SIRT5: variants seen among roughly 807,000 people sequenced by gnomAD.
SIRT5 encodes sirtuin 5.
Under a neutral mutation model 40.0 loss-of-function variants are expected in SIRT5, and 26 were observed. The ratio of observed to expected loss-of-function variants is 0.65; its 90% CI spans 0.48 to 0.90. The LOEUF (loss-of-function observed/expected upper bound fraction) is 0.90, where lower values mean the gene tolerates loss of function less well. SIRT5 is among the 40% of genes least tolerant of loss of function. The pLI is 0.00. For missense variants in SIRT5, 401 were observed against 402.4 expected, an observed-to-expected ratio of 1.00 and a Z score of 0.03; for synonymous variants, 146 against 149.1, an observed-to-expected ratio of 0.98 and a Z score of 0.15.
chr6:13,584,342 C>T, intron 3 of SIRT5, 117 bp downstream of exon 3: 1 of 752,522 alleles, frequency 1.3e-6, no homozygotes, highest in Non-Finnish European at 2.3e-6. Context: ...TGGAGAAAGC[C>T]ACTCTGTCAT....
intron 7 of SIRT5, 42 bp downstream of exon 7, chr6:13,597,058 CA>C: frequency 2.1e-6 from 3 of 1,405,644 alleles, no homozygotes; most frequent in East Asian, 2.4e-5. Flanking sequence ...TCCAGGTTAC[CA>C]AAACAAAAAA....
chr6:13,600,588 C>G (rs892822589), intron 8 of SIRT5, among the ~76,000 whole-genome samples: 3 of 152,150 alleles, frequency 2.0e-5, no homozygotes, highest in Non-Finnish European at 2.9e-5. Flanking sequence ...GATTGAGTCA[C>G]TTCTATGTCA....
chr6:13,605,005 G>A (rs199962126), intron 9 of SIRT5: 2 of 988,404 alleles, frequency 2.0e-6, no homozygotes. Context: ...CATCAAAGCT[G>A]ACATTTAGAA....
At chr6:13,606,027 T>A (rs570447474) in intron 9 of SIRT5, among the ~76,000 whole-genome samples, 9 of 152,208 alleles carry the variant, frequency 5.9e-5, no homozygotes, top group Non-Finnish European at 1.0e-4. Flanking sequence ...AAAACAAATA[T>A]CTACCAAGGA....
In SIRT5 at chr6:13,614,763, G is replaced by A. The variant is rs988333695; in HGVS notation, c.*2898G>A. The A allele has an allele frequency of 1.3e-5, 2 of 152,270 alleles. No homozygotes were observed. The highest frequency in any genetic ancestry group is 1.5e-5 in the Non-Finnish European group (1 of 68,064). 9.4% of individuals were successfully genotyped at this position (152,270 alleles called of 1,614,324 possible). A position where few individuals can be genotyped will look rare whatever the true frequency, so the allele number is the denominator to read the frequency against. On this transcript the variant is annotated 3_prime_UTR_variant, in exon 10 of 10. Transcript: ENST00000606117. ...GCGGCCGCGGAGCTGGGAAGGCCGAGGGCGCCGGGCACGTCTGTGCAGATT... is the reference window on the plus strand; with the variant it reads ...GCGGCCGCGGAGCTGGGAAGGCCGAAGGCGCCGGGCACGTCTGTGCAGATT...
At chr6:13,611,203 G>T (rs979160461) in intron 9 of SIRT5, among the ~76,000 whole-genome samples, 2 of 92,268 alleles carry the variant, frequency 2.2e-5, no homozygotes, top group Non-Finnish European at 4.4e-5. Context: ...TTATGTGTGT[G>T]TGTGTATATA....
intron 8 of SIRT5, among the ~76,000 whole-genome samples, chr6:13,599,470 T>A (rs1762078814): frequency 6.6e-6 from 1 of 152,236 alleles, no homozygotes; most frequent in Non-Finnish European, 1.5e-5. Flanking sequence ...AATACATGCT[T>A]ATGATTAAAT....
intron 1 of SIRT5, among the ~76,000 whole-genome samples, chr6:13,578,292 A>G (rs1189843750): frequency 1.3e-5 from 2 of 152,096 alleles, no homozygotes; most frequent in Non-Finnish European, 2.9e-5. Context: ...TGGCTTTGGT[A>G]TCAGGGTAAT....
intron 5 of SIRT5, among the ~76,000 whole-genome samples, chr6:13,594,103 C>G (rs984616005): frequency 3.3e-5 from 5 of 152,182 alleles, no homozygotes; most frequent in Admixed American, 3.3e-4. Context: ...AACTTGCTTT[C>G]CTTCCTGAAG....
intron 8 of SIRT5, among the ~76,000 whole-genome samples, chr6:13,599,656 A>G (rs1416955868): frequency 6.6e-6 from 1 of 152,222 alleles, no homozygotes; most frequent in African/African-American, 2.4e-5. Context: ...TTTTGGAAAT[A>G]AAGTTTTATT....
At chr6:13,592,332 G>A (rs562315648) in intron 5 of SIRT5, among the ~76,000 whole-genome samples, 5 of 152,182 alleles carry the variant, frequency 3.3e-5, no homozygotes, top group African/African-American at 4.8e-5. Context: ...GGAGGGGCAC[G>A]GTACTGTGAG....
At chr6:13,598,857 C>G (rs1761977660) in intron 7 of SIRT5, among the ~76,000 whole-genome samples, 175 bp from the exon 8 acceptor site, 1 of 148,196 alleles carries the variant, frequency 6.7e-6, no homozygotes, top group African/African-American at 2.5e-5. Context: ...GACCATTAAA[C>G]CTGATGCTTC....
chr6:13,611,306 A>G (rs1335766155), intron 9 of SIRT5, among the ~76,000 whole-genome samples: 2 of 149,854 alleles, frequency 1.3e-5, no homozygotes, highest in African/African-American at 2.4e-5. Flanking sequence ...TATTGTGTCT[A>G]TATATAACAT....
At chr6:13,594,488 C>T (rs1291223995) in intron 5 of SIRT5, among the ~76,000 whole-genome samples, 4 of 152,200 alleles carry the variant, frequency 2.6e-5, no homozygotes, top group Non-Finnish European at 4.4e-5. Flanking sequence ...TGTCTCCACG[C>T]GCCAAGGGAG....
chr6:13,592,199 A>G (rs1460134433), intron 5 of SIRT5, among the ~76,000 whole-genome samples: 1 of 152,082 alleles, frequency 6.6e-6, no homozygotes, highest in Non-Finnish European at 1.5e-5. Flanking sequence ...AAAAATGCAG[A>G]ATCTCAGGCC....
intron 4 of SIRT5, among the ~76,000 whole-genome samples, chr6:13,591,442 T>C (rs1384587820): frequency 6.6e-6 from 1 of 152,228 alleles, no homozygotes; most frequent in African/African-American, 2.4e-5. Flanking sequence ...CTAAGGAAAT[T>C]GACTGATTTC....
Position 13,612,588 on chromosome 6 carries a change from C to T in SIRT5, c.*723C>T, listed in dbSNP as rs1301311446. On this transcript the variant is annotated 3_prime_UTR_variant, in exon 10 of 10. Coordinates refer to ENST00000606117, the MANE Select transcript of SIRT5 (RefSeq NM_012241.5). ...CTCTCGACCTCAGGTGATCTGCCCG[C>T]CTCGGCCTCCCAAAGTGCTGAGATT... 1 of 152,250 alleles carries T rather than the reference C, an allele frequency of 6.6e-6. No homozygotes were observed. The highest frequency in any genetic ancestry group is 1.9e-4 in the East Asian group (1 of 5,196). 9.4% of individuals were successfully genotyped at this position (152,250 alleles called of 1,614,324 possible). A position where few individuals can be genotyped will look rare whatever the true frequency, so the allele number is the denominator to read the frequency against.
chr6:13,612,172 A>T lies in SIRT5; in HGVS notation c.*307A>T. 4.5e-6 allele frequency: 1 copy of T among 220,160 alleles called. No individual in the cohort carries two copies. The highest frequency in any genetic ancestry group is 2.3e-5 in the African/African-American group (1 of 44,308). The allele number at this position is 220,160 out of a possible 1,614,324, so 13.6% of individuals were successfully genotyped here. ...TTTGTAAATTAGATTGTCTAAAAAA[A>T]ATAGTTATTCTGATTATATTTTTGT... is the stretch of plus-strand genomic sequence containing the variant. On this transcript the variant is annotated 3_prime_UTR_variant, in exon 10 of 10. Transcript: ENST00000606117.
In SIRT5 at chr6:13,599,162, C is replaced by G; in HGVS notation, c.741+7C>G. The G allele has an allele frequency of 6.2e-7, 1 of 1,613,064 alleles. No homozygotes were observed. Among genetic ancestry groups the G allele is most frequent in the Non-Finnish European group, 8.5e-7 (1 of 1,179,474 alleles). On this transcript the variant is annotated splice_region_variant and intron_variant, in intron 8 of 9. Transcript: ENST00000606117. ...CTGTGATTTATGTCTAGTGGTGGGT[C>G]ATGCCCTTCCCTAACCCCAGGACAG...
Sources: allele counts gnomAD v4.1 joint callset (sites outside exome capture counted in the v4.1 genomes callset), GRCh38; gene constraint gnomAD v4.1.1; transcripts MANE v1.5; gene names NCBI Gene and HGNC (gene_info 2026-07-23, HGNC 2026-07-21).